The following AGO2 variants were observed in gnomAD, a reference collection of about 807,000 sequenced individuals.
AGO2 encodes protein argonaute-2.
In AGO2, 5 loss-of-function variants were observed where a neutral mutation model predicts 102.3. That is an observed-to-expected ratio of 0.05 (90% CI 0.03 to 0.10). The LOEUF is 0.10. Among genes scored for constraint, AGO2 ranks in the 10% least tolerant of loss-of-function variants. The pLI is 1.00. For missense variants in AGO2, 541 were observed against 1,183.7 expected (o/e 0.46, Z 7.97); for synonymous variants, 449 against 473.1 (o/e 0.95, Z 0.66).
chr8:140,567,610 C>T lies in AGO2; in HGVS notation c.337-4976G>A, dbSNP rs925083860. On this transcript the variant is annotated intron_variant, in intron 3 of 18. Transcript: ENST00000220592. This position sits in a 1 kb window ranked among gnomAD's most constrained non-coding sequence, Gnocchi z 5.0. ...TACAATCTGGGAGTGGCCCAACTGCCATTTTCTGAACATGGATAATAGAAA... is the reference window on the plus strand; with the variant it reads ...TACAATCTGGGAGTGGCCCAACTGCTATTTTCTGAACATGGATAATAGAAA... Among the ~76,000 whole-genome samples, 9 of 152,210 alleles carry T rather than the reference C, an allele frequency of 5.9e-5. No homozygotes were observed. The highest frequency in any genetic ancestry group is 2.2e-4 in the African/African-American group (9 of 41,448).
intron 7 of AGO2, among the ~76,000 whole-genome samples, chr8:140,558,041 C>A (rs1459704190): frequency 1.3e-5 from 2 of 152,210 alleles, no homozygotes; most frequent in African/African-American, 2.4e-5. Context: ...CAAAGAAACA[C>A]CAGTACAACC....
At chr8:140,586,434 C>T (rs2073657469) in intron 1 of AGO2, among the ~76,000 whole-genome samples, 1 of 152,128 alleles carries the variant, frequency 6.6e-6, no homozygotes, top group Admixed American at 6.5e-5. Context: ...TGCAGTGAGC[C>T]GAGATCATGC....
intron 1 of AGO2, among the ~76,000 whole-genome samples, chr8:140,610,637 C>A (rs948528159): frequency 6.6e-6 from 1 of 152,208 alleles, no homozygotes; most frequent in Admixed American, 6.5e-5. Context: ...GAGCAGGGAG[C>A]CCGGCTCCCA....
At chr8:140,564,218 G>A (rs1324743273) in intron 3 of AGO2, among the ~76,000 whole-genome samples, 1 of 152,176 alleles carries the variant, frequency 6.6e-6, no homozygotes, top group Non-Finnish European at 1.5e-5. Context: ...ATACGCACAG[G>A]GGATGCAGCA....
Position 140,567,206 on chromosome 8 carries a change from AC to A in AGO2, c.337-4573del, listed in dbSNP as rs1330463218. On this transcript the variant is annotated intron_variant, in intron 3 of 18. Transcript: ENST00000220592. The surrounding 1 kb of genome is among the most constrained non-coding windows in gnomAD (Gnocchi z 5.0). ...CCTGCAGAGAAAGGACAGCAGAGTC[AC>A]CCCGGGCTCTGTAACTATCTGCCCA... 1.3e-5 allele frequency among the ~76,000 whole-genome samples: 2 copies of A among 152,134 alleles called. No homozygotes were observed. Among genetic ancestry groups the A allele is most frequent in the African/African-American group, 4.8e-5 (2 of 41,444 alleles).
upstream of AGO2, among the ~76,000 whole-genome samples, chr8:140,640,352 C>A (rs754231548): frequency 2.0e-5 from 3 of 151,836 alleles, no homozygotes; most frequent in Admixed American, 6.6e-5. Flanking sequence ...TTTTTCTTTT[C>A]AAACTGTATT....
chr8:140,520,353 ACAGT>A lies in AGO2; in HGVS notation c.*11687_*11690del, dbSNP rs2072395483. On this transcript the variant is annotated 3_prime_UTR_variant, in exon 19 of 19. Coordinates refer to ENST00000220592, the MANE Select transcript of AGO2 (RefSeq NM_012154.5). ...ACTTTTAGTATTAGTTTATATACAC[ACAGT>A]AAGAAACAAAACAAGTAACTGTTAG... 6.6e-6 allele frequency: 1 copy of A among 152,252 alleles called. No individual in the cohort carries two copies. Among genetic ancestry groups the A allele is most frequent in the Admixed American group, 6.5e-5 (1 of 15,286 alleles). The allele number at this position is 152,252 out of a possible 1,614,324, so 9.4% of individuals were successfully genotyped here.
At chr8:140,583,911 G>A (rs1199176946) in intron 2 of AGO2, among the ~76,000 whole-genome samples, 1 of 152,096 alleles carries the variant, frequency 6.6e-6, no homozygotes, top group African/African-American at 2.4e-5. Context: ...AAAGGGTAGC[G>A]CATTGCTCTA....
At chr8:140,548,720 TTC>T (rs1463071371) in intron 12 of AGO2, among the ~76,000 whole-genome samples, 1 of 152,192 alleles carries the variant, frequency 6.6e-6, no homozygotes, top group East Asian at 1.9e-4. Flanking sequence ...CTCCACAAAA[TTC>T]TGAGGTGGGC....
Position 140,556,546 on chromosome 8 carries a change from G to T in AGO2, c.1027-260C>A, listed in dbSNP as rs567282955. 3.3e-5 allele frequency among the ~76,000 whole-genome samples: 5 copies of T among 152,256 alleles called. No homozygotes were observed. The South Asian group carries it at 1.0e-3, about 32-fold the overall frequency. On this transcript the variant is annotated intron_variant, in intron 8 of 18. Coordinates refer to ENST00000220592, the MANE Select transcript of AGO2 (RefSeq NM_012154.5). ...CCTCTGTGCCCAGCCCACCAGGTGAGCGGGGCTGTGTCCTGACACCGGCAC... is the reference window on the plus strand; with the variant it reads ...CCTCTGTGCCCAGCCCACCAGGTGATCGGGGCTGTGTCCTGACACCGGCAC...
chr8:140,585,278 T>C lies in AGO2; in HGVS notation c.56A>G (p.Gln19Arg). The C allele has an allele frequency of 6.2e-7, 1 of 1,614,000 alleles. No individual in the cohort carries two copies. Among genetic ancestry groups the C allele is most frequent in the Non-Finnish European group, 8.5e-7 (1 of 1,179,960 alleles). Residue 19 changes from glutamine (Q) to arginine (R), a missense_variant, in exon 2 of 19, where the codon CAA becomes CGA. This residue lies in a region of AGO2 where 147 missense variants were observed against 204.1 expected (regional missense o/e 0.72). Coordinates refer to ENST00000220592, the MANE Select transcript of AGO2 (RefSeq NM_012154.5). ...AGGTGGAGGCTTGAAGGCATATCCTTGGATGGGGGGCGGCGGCGCAGGAGG... is the reference window on the plus strand; with the variant it reads ...AGGTGGAGGCTTGAAGGCATATCCTCGGATGGGGGGCGGCGGCGCAGGAGG... ...LAPPAPPPPI[Q>R]GYAFKPPPRP...
chr8:140,624,145 C>T (rs1479988707), intron 1 of AGO2, among the ~76,000 whole-genome samples: 1 of 152,144 alleles, frequency 6.6e-6, no homozygotes, highest in Non-Finnish European at 1.5e-5. Flanking sequence ...GCATGGGTGG[C>T]ACCCACTGTC....
chr8:140,547,378 C>A (rs575601465), intron 13 of AGO2, 90 bp downstream of exon 13: 4 of 1,491,756 alleles, frequency 2.7e-6, no homozygotes, highest in Admixed American at 3.9e-5. Flanking sequence ...AGGGACCCTG[C>A]CCCCCTGCCC....
chr8:140,551,269 C>G, intron 11 of AGO2, 34 bp downstream of exon 11: 1 of 1,473,694 alleles, frequency 6.8e-7, no homozygotes, highest in Non-Finnish European at 9.1e-7. Context: ...GGGCAGCACC[C>G]CCAGGCCGGA....
upstream of AGO2, chr8:140,637,736 C>G (rs2074419990): frequency 6.5e-6 from 1 of 152,678 alleles, no homozygotes; most frequent in African/African-American, 2.4e-5. Flanking sequence ...CAGCCCCATC[C>G]CTACCCTCCT....
rs565935442 is a variant in AGO2 at position 140,629,987 on chromosome 8, G to A, written c.22+5498C>T. The stretch of plus-strand genomic sequence containing the variant: ...GTTCCTGATCCAACCCACACAGCCC[G>A]GTTCCTGGCAGACCCAGGGAGGCCT... On this transcript the variant is annotated intron_variant, in intron 1 of 18. Coordinates refer to ENST00000220592, the MANE Select transcript of AGO2 (RefSeq NM_012154.5). 1.1e-4 allele frequency among the ~76,000 whole-genome samples: 17 copies of A among 152,058 alleles called. No homozygotes were observed. In the South Asian group the frequency reaches 2.5e-3, roughly 22 times the overall value.
intron 1 of AGO2, among the ~76,000 whole-genome samples, chr8:140,629,907 G>GGAGGC (rs1563660626): frequency 6.9e-6 from 1 of 144,900 alleles, no homozygotes; most frequent in Non-Finnish European, 1.5e-5. Context: ...GGAGGGGAGC[G>GGAGGC]GAGGCGAGGG....
chr8:140,588,587 G>GGAGA (rs144110239), intron 1 of AGO2, among the ~76,000 whole-genome samples: 1 of 143,152 alleles, frequency 7.0e-6, no homozygotes. Flanking sequence ...AGTAAAGAAG[G>GGAGA]GAGGCAGGGA....
chr8:140,552,740 G>GCGCGCGCGCGCA (rs111262864), intron 10 of AGO2, among the ~76,000 whole-genome samples: 4 of 130,884 alleles, frequency 3.1e-5, no homozygotes, highest in African/African-American at 1.2e-4. Context: ...GCGCGCGCGC[G>GCGCGCGCGCGCA]CACACACACA....
Sources: gnomAD v4.1 joint callset for allele counts (sites outside exome capture counted in the v4.1 genomes callset) on GRCh38, gnomAD v4.1.1 for gene constraint, gnomAD v4.1.1 regional missense constraint, Gnocchi (gnomAD v3.1) non-coding constraint, MANE v1.5 for transcripts, NCBI Gene and HGNC (gene_info 2026-07-23, HGNC 2026-07-21) for gene names.